ZNF714: variants seen among roughly 807,000 people sequenced by gnomAD.
The protein encoded by ZNF714 is zinc finger protein 714.
A neutral mutation model predicts 46.2 loss-of-function variants in ZNF714; 32 were observed. The observed-to-expected ratio is 0.69, with a 90% confidence interval of 0.52 to 0.93. The LOEUF is 0.93. ZNF714 is among the 40% of genes least tolerant of loss of function. The pLI is 0.00. For missense variants in ZNF714, 635 were observed against 646.3 expected, an observed-to-expected ratio of 0.98 and a Z score of 0.19; for synonymous variants, 199 against 213.1, an observed-to-expected ratio of 0.93 and a Z score of 0.58.
rs1314044743 is a variant in ZNF714 at position 21,121,660 on chromosome 19, G to T, written c.*3328G>T. 6.6e-6 allele frequency: 1 copy of T among 151,878 alleles called. No individual in the cohort carries two copies. Among genetic ancestry groups the T allele is most frequent in the African/African-American group, 2.4e-5 (1 of 41,298 alleles). The allele number at this position is 151,878 out of a possible 1,614,324, so 9.4% of individuals were successfully genotyped here. A position where few individuals can be genotyped will look rare whatever the true frequency, so the allele number is the denominator to read the frequency against. On this transcript the variant is annotated 3_prime_UTR_variant, in exon 5 of 5. Transcript: ENST00000456283. ...CCTATTTTCAGAAAAGAACAATATG[G>T]GAATAAAAATCATTTTAATAAGGTG... is the stretch of plus-strand genomic sequence containing the variant.
rs1384840331 is a variant in ZNF714 at position 21,119,474 on chromosome 19, G to GGTA, written c.*1148_*1150dup. 2 of 157,796 alleles carry GGTA rather than the reference G, an allele frequency of 1.3e-5. No homozygotes were observed. Among genetic ancestry groups the GGTA allele is most frequent in the Non-Finnish European group, 2.8e-5 (2 of 71,192 alleles). The allele number at this position is 157,796 out of a possible 1,614,324, so 9.8% of individuals were successfully genotyped here. ...AGATGAATGTTACAAATATAAAGTGGGTAGTAGTGCCTTTACTTGTATCAC... is the reference window on the plus strand; with the variant it reads ...AGATGAATGTTACAAATATAAAGTGGGTAGTAGTAGTGCCTTTACTTGTATCAC... On this transcript the variant is annotated 3_prime_UTR_variant, in exon 5 of 5. Transcript: ENST00000456283.
intron 4 of ZNF714, among the ~76,000 whole-genome samples, chr19:21,109,426 G>T (rs1969395950): frequency 6.6e-6 from 1 of 151,930 alleles, no homozygotes; most frequent in Non-Finnish European, 1.5e-5. Context: ...TTGCCCTGTT[G>T]TCTAGGTTGG....
intron 4 of ZNF714, among the ~76,000 whole-genome samples, chr19:21,113,663 C>G (rs951445645): frequency 1.3e-4 from 20 of 151,906 alleles, no homozygotes; most frequent in African/African-American, 4.6e-4. Context: ...CATACTGCCA[C>G]GCCTGGCTAA....
intron 2 of ZNF714, chr19:21,091,344 A>C (rs367872976): frequency 2.0e-5 from 3 of 152,296 alleles, no homozygotes; most frequent in East Asian, 3.9e-4. Context: ...TAATACTGCA[A>C]ACTGTGTTAT....
intron 4 of ZNF714, among the ~76,000 whole-genome samples, chr19:21,103,758 T>C (rs1969243764): frequency 6.6e-6 from 1 of 151,930 alleles, no homozygotes; most frequent in Non-Finnish European, 1.5e-5. Flanking sequence ...TATCCAGGCA[T>C]GTTAGTGTGC....
rs566659789 is a variant in ZNF714, at chr19:21,122,656, G to C, written c.*4324G>C. 1 of 151,898 alleles carries C rather than the reference G, an allele frequency of 6.6e-6. No individual in the cohort carries two copies. The highest frequency in any genetic ancestry group is 2.1e-4 in the South Asian group (1 of 4,806). The allele number at this position is 151,898 out of a possible 1,614,324, so 9.4% of individuals were successfully genotyped here. On this transcript the variant is annotated 3_prime_UTR_variant, in exon 5 of 5. Coordinates refer to ENST00000456283, the MANE Select transcript of ZNF714 (RefSeq NM_182515.4). ...TTATTTTCTACTTCTCTTCAGATTTGTTTCTCGTATGTATTTTCCAACTAT... is the reference window on the plus strand; with the variant it reads ...TTATTTTCTACTTCTCTTCAGATTTCTTTCTCGTATGTATTTTCCAACTAT...
intron 4 of ZNF714, among the ~76,000 whole-genome samples, chr19:21,099,943 C>G (rs11669248): frequency 6.6e-6 from 1 of 151,904 alleles, no homozygotes. Flanking sequence ...GCAACCTCCA[C>G]TTTCCGAGTT....
At chr19:21,089,885 G>T (rs71333806) in intron 2 of ZNF714, among the ~76,000 whole-genome samples, 1 of 133,414 alleles carries the variant, frequency 7.5e-6, no homozygotes, top group South Asian at 2.6e-4. Flanking sequence ...CTAGAATTCT[G>T]GTAAGAAATT....
Position 21,117,550 on chromosome 19 carries a change from C to T in ZNF714, c.886C>T (p.Arg296Ter), listed in dbSNP as rs747633096. 49 of 1,605,702 alleles carry T rather than the reference C, an allele frequency of 3.1e-5. No homozygotes were observed. Among genetic ancestry groups the T allele is most frequent in the Admixed American group, 5.2e-5 (3 of 58,208 alleles). ...TGAAGAATGTGACAAAGCTTTTAAC[C>T]GATTCTCATACCTTACTAAACATAA... is the stretch of plus-strand genomic sequence containing the variant. ...KCEECDKAFN[R>*]FSYLTKHKII... The change falls in exon 5 of 5, where the codon CGA becomes TGA. Residue 296 changes from arginine to a stop codon, truncating the protein, a stop_gained. Transcript: ENST00000456283. LOFTEE classifies it high-confidence loss of function.
At chr19:21,082,429 G>T in intron 1 of ZNF714, 81 bp downstream of exon 1, 1 of 1,346,988 alleles carries the variant, frequency 7.4e-7, no homozygotes, top group Non-Finnish European at 1.0e-6. Context: ...GTGGGACTTA[G>T]GCCTCCCCGC....
intron 2 of ZNF714, among the ~76,000 whole-genome samples, chr19:21,094,925 A>G (rs1438150516): frequency 1.3e-5 from 2 of 152,254 alleles, no homozygotes; most frequent in African/African-American, 2.4e-5. Flanking sequence ...CATTTTTTGC[A>G]CATGCTTGTT....
At chr19:21,110,950 T>C (rs893768713) in intron 4 of ZNF714, among the ~76,000 whole-genome samples, 1 of 152,202 alleles carries the variant, frequency 6.6e-6, no homozygotes, top group South Asian at 2.1e-4. Context: ...GGTCTATGTG[T>C]CTGTTTTTAT....
rs1968747555 is a variant in ZNF714 at position 21,085,182 on chromosome 19, A to G, written c.-85+1113A>G. Among the ~76,000 whole-genome samples the G allele has an allele frequency of 2.6e-5, 4 of 152,318 alleles. No individual in the cohort carries two copies. The South Asian group carries it at 8.3e-4, about 32-fold the overall frequency. On this transcript the variant is annotated intron_variant, in intron 2 of 4. Transcript: ENST00000456283. ...TATTTTGGCTGTAGAAAATGAATAC[A>G]TGTCCATAAGAAAATGTGGTAGATA...
intron 2 of ZNF714, among the ~76,000 whole-genome samples, chr19:21,090,696 G>A (rs923059446): frequency 2.0e-5 from 3 of 151,962 alleles, no homozygotes; most frequent in Non-Finnish European, 2.9e-5. Context: ...CTTGGATCTC[G>A]CTCAAGAAAG....
intron 4 of ZNF714, among the ~76,000 whole-genome samples, chr19:21,102,021 C>G (rs1439285093): frequency 6.6e-6 from 1 of 152,192 alleles, no homozygotes; most frequent in Non-Finnish European, 1.5e-5. Flanking sequence ...TCTGGAAATC[C>G]TGGCCTGCAG....
chr19:21,095,186 G>A (rs1969007460), intron 2 of ZNF714, among the ~76,000 whole-genome samples: 2 of 152,118 alleles, frequency 1.3e-5, no homozygotes, highest in Admixed American at 6.5e-5. Flanking sequence ...GTGTTGGGAG[G>A]GAAACTGAGG....
Position 21,108,396 on chromosome 19 carries a change from T to TG in ZNF714, c.143-8410dup, listed in dbSNP as rs1314934552. Among the ~76,000 whole-genome samples the TG allele has an allele frequency of 3.9e-5, 6 of 152,324 alleles. No individual in the cohort carries two copies. The South Asian group carries it at 6.2e-4, about 16-fold the overall frequency. ...GGATGTCTATGTCCTGCAAACCTCA[T>TG]GCTGCAGTGTAATCCTCAATGTTAG... On this transcript the variant is annotated intron_variant, in intron 4 of 4. Coordinates refer to ENST00000456283, the MANE Select transcript of ZNF714 (RefSeq NM_182515.4).
chr19:21,100,197 T>C (rs916319771), intron 4 of ZNF714, among the ~76,000 whole-genome samples: 1 of 152,158 alleles, frequency 6.6e-6, no homozygotes, highest in Non-Finnish European at 1.5e-5. Context: ...CTCTAATTTC[T>C]TTCATTGATA....
intron 2 of ZNF714, among the ~76,000 whole-genome samples, chr19:21,088,706 T>A (rs1204983867): frequency 6.6e-6 from 1 of 152,248 alleles, no homozygotes; most frequent in Non-Finnish European, 1.5e-5. Context: ...AGGGTTCTTT[T>A]ATATCACACA....
Sources: gnomAD v4.1 joint callset for allele counts (sites outside exome capture counted in the v4.1 genomes callset) on GRCh38, gnomAD v4.1.1 for gene constraint, MANE v1.5 for transcripts, NCBI Gene and HGNC (gene_info 2026-07-23, HGNC 2026-07-21) for gene names.